Variants in TBC1D5 observed in about 807,000 individuals in gnomAD.
TBC1D5 encodes TBC1 domain family member 5.
In TBC1D5, 75 loss-of-function variants were observed where a neutral mutation model predicts 100.3. The ratio of observed to expected loss-of-function variants is 0.75; its 90% CI spans 0.62 to 0.91. TBC1D5 has a LOEUF of 0.91. Among genes scored for constraint, TBC1D5 ranks in the 40% least tolerant of loss-of-function variants. The pLI is 0.00. For synonymous variants in TBC1D5, 323 were observed against 325.6 expected, an observed-to-expected ratio of 0.99 and a Z score of 0.09; for missense variants, 910 against 942.4, an observed-to-expected ratio of 0.97 and a Z score of 0.45.
chr3:17,705,645 C>T (rs1577660900), intron 1 of TBC1D5, among the ~76,000 whole-genome samples: 1 of 121,880 alleles, frequency 8.2e-6, no homozygotes, highest in Non-Finnish European at 1.7e-5. Flanking sequence ...ACATCTCAGA[C>T]GATGGGCGGC....
intron 18 of TBC1D5, among the ~76,000 whole-genome samples, chr3:17,206,531 T>C (rs1186625627): frequency 6.6e-6 from 1 of 152,236 alleles, no homozygotes; most frequent in African/African-American, 2.4e-5. Flanking sequence ...CGATAAAGAA[T>C]AGATGAATAT....
chr3:17,207,782 C>T (rs542316092), intron 18 of TBC1D5, among the ~76,000 whole-genome samples: 11 of 152,248 alleles, frequency 7.2e-5, no homozygotes, highest in Middle Eastern at 3.4e-3. Context: ...TTCTCAAAAC[C>T]GTTACAAGCA....
chr3:17,724,444 C>G (rs1434602683), intron 1 of TBC1D5, among the ~76,000 whole-genome samples: 1 of 152,154 alleles, frequency 6.6e-6, no homozygotes, highest in Non-Finnish European at 1.5e-5. Flanking sequence ...TCCAGTGTTT[C>G]CTGGCTTCCA....
At chr3:17,367,598 C>T (rs1285031805) in intron 13 of TBC1D5, among the ~76,000 whole-genome samples, 2 of 152,132 alleles carry the variant, frequency 1.3e-5, no homozygotes, top group African/African-American at 2.4e-5. Context: ...GTGGCTCACA[C>T]GTGTAACCCC....
intron 1 of TBC1D5, among the ~76,000 whole-genome samples, chr3:17,638,728 T>C (rs1426618325): frequency 6.6e-6 from 1 of 152,190 alleles, no homozygotes; most frequent in Non-Finnish European, 1.5e-5. Context: ...GGATTTTTAC[T>C]ACATATTCAT....
At chr3:17,657,615 G>GT (rs939631327) in intron 1 of TBC1D5, among the ~76,000 whole-genome samples, 3 of 152,078 alleles carry the variant, frequency 2.0e-5, no homozygotes, top group African/African-American at 7.2e-5. Context: ...GATTACAGGC[G>GT]TGAGCCACCA....
At chr3:17,547,434 T>C (rs911815251) in intron 2 of TBC1D5, among the ~76,000 whole-genome samples, 13 of 152,154 alleles carry the variant, frequency 8.5e-5, no homozygotes, top group Non-Finnish European at 1.6e-4. Context: ...TTATAAAAAT[T>C]AAAGCATCTC....
intron 2 of TBC1D5, among the ~76,000 whole-genome samples, chr3:17,600,506 T>G (rs1038538579): frequency 6.6e-6 from 1 of 152,142 alleles, no homozygotes; most frequent in South Asian, 2.1e-4. Flanking sequence ...AAAGATTCCA[T>G]GCAAGATTAT....
chr3:17,516,845 C>T (rs752646619), intron 2 of TBC1D5, among the ~76,000 whole-genome samples: 57 of 152,122 alleles, frequency 3.7e-4, no homozygotes, highest in Non-Finnish European at 7.1e-4. Context: ...TAATGCCTAA[C>T]GGAGTCCACT....
At chr3:17,265,263 C>T (rs1028545638) in intron 15 of TBC1D5, among the ~76,000 whole-genome samples, 89 of 151,248 alleles carry the variant, frequency 5.9e-4, no homozygotes, top group African/African-American at 2.1e-3. Flanking sequence ...CTGACAAATT[C>T]TATAGCACTT....
At chr3:17,694,865 CAAAAGGA>C (rs1004413863) in intron 1 of TBC1D5, among the ~76,000 whole-genome samples, 1 of 152,184 alleles carries the variant, frequency 6.6e-6, no homozygotes, top group African/African-American at 2.4e-5. Context: ...GAGTTACCCA[CAAAAGGA>C]AGCCCATCAG....
At chr3:17,560,342 ACTCAGTGG>A (rs1200809284) in intron 2 of TBC1D5, among the ~76,000 whole-genome samples, 1 of 152,072 alleles carries the variant, frequency 6.6e-6, no homozygotes, top group Non-Finnish European at 1.5e-5. Flanking sequence ...TATAGTCCAG[ACTCAGTGG>A]CTCACCCCTG....
intron 13 of TBC1D5, among the ~76,000 whole-genome samples, chr3:17,329,350 AATAAATAAGCTATGTATGT>A (rs2086596876): frequency 6.6e-6 from 1 of 152,220 alleles, no homozygotes; most frequent in Non-Finnish European, 1.5e-5. Flanking sequence ...TTCAGGTACA[AATAAATAAGCTATGTATGT>A]ATATGTTTTA....
chr3:17,634,117 T>C (rs2063709566), intron 1 of TBC1D5, among the ~76,000 whole-genome samples: 1 of 152,184 alleles, frequency 6.6e-6, no homozygotes, highest in Non-Finnish European at 1.5e-5. Context: ...TTCTACACTG[T>C]TAGTGGGAAT....
intron 4 of TBC1D5, among the ~76,000 whole-genome samples, chr3:17,411,678 T>C (rs2149106529): frequency 2.0e-5 from 3 of 152,278 alleles, no homozygotes; most frequent in African/African-American, 7.2e-5. Flanking sequence ...GCTAGATTCA[T>C]TGCCATCTTG....
chr3:17,401,224 CAT>C (rs894432676), intron 8 of TBC1D5, among the ~76,000 whole-genome samples: 2 of 148,570 alleles, frequency 1.3e-5, no homozygotes, highest in African/African-American at 5.0e-5. Flanking sequence ...TGTGTGTGTA[CAT>C]ACACACACAC....
At chr3:17,591,505 G>A (rs2096771648) in intron 2 of TBC1D5, among the ~76,000 whole-genome samples, 1 of 152,086 alleles carries the variant, frequency 6.6e-6, no homozygotes, top group Admixed American at 6.5e-5. Flanking sequence ...GGGGACTACT[G>A]GACACTGGCT....
At chr3:17,673,736 G>A (rs149768618) in intron 1 of TBC1D5, among the ~76,000 whole-genome samples, 23 of 152,118 alleles carry the variant, frequency 1.5e-4, no homozygotes, top group African/African-American at 5.5e-4. Flanking sequence ...TAAAATCACT[G>A]GTTTGGCCAG....
chr3:17,728,117 T>A (rs1161161025), intron 1 of TBC1D5, among the ~76,000 whole-genome samples: 1 of 152,128 alleles, frequency 6.6e-6, no homozygotes, highest in Non-Finnish European at 1.5e-5. Flanking sequence ...TTATATGTGA[T>A]TTTAAAGAGC....
Sources: allele counts gnomAD v4.1 joint callset (sites outside exome capture counted in the v4.1 genomes callset), GRCh38; gene constraint gnomAD v4.1.1; transcripts MANE v1.5; gene names NCBI Gene and HGNC (gene_info 2026-07-23, HGNC 2026-07-21).